Variants in AHCYL2 observed in about 807,000 individuals in gnomAD.
The protein encoded by AHCYL2 is adenosylhomocysteinase like 2, also known as S-adenosylhomocysteine hydrolase-like protein 2.
Under a neutral mutation model 81.4 loss-of-function variants are expected in AHCYL2, and 28 were observed. The ratio of observed to expected loss-of-function variants is 0.34; its 90% CI spans 0.25 to 0.47. The LOEUF is 0.47. Ranked by LOEUF, AHCYL2 falls within the 20% of genes least tolerant of loss-of-function variation. The pLI, the probability that AHCYL2 is intolerant of heterozygous loss-of-function variation, is 1.00. For missense variants in AHCYL2, 551 were observed against 785.1 expected (o/e 0.70, Z 3.56); for synonymous variants, 272 against 290.2 (o/e 0.94, Z 0.64).
At chr7:129,304,635 C>A (rs1797363429) in intron 1 of AHCYL2, among the ~76,000 whole-genome samples, 2 of 152,060 alleles carry the variant, frequency 1.3e-5, no homozygotes, top group African/African-American at 4.8e-5. Flanking sequence ...TATATAATGA[C>A]CTTTTTCTGT....
intron 1 of AHCYL2, among the ~76,000 whole-genome samples, chr7:129,374,082 A>G (rs2150870259): frequency 6.6e-6 from 1 of 152,316 alleles, no homozygotes; most frequent in Non-Finnish European, 1.5e-5. Context: ...TGTCATTTCT[A>G]AGATGTAATC....
intron 1 of AHCYL2, among the ~76,000 whole-genome samples, chr7:129,255,284 G>T (rs1014138313): frequency 4.0e-5 from 6 of 151,830 alleles, no homozygotes; most frequent in Non-Finnish European, 7.4e-5. Context: ...AAAGTAAAAA[G>T]AAACAAGTGA....
At chr7:129,311,281 A>G (rs1797648116) in intron 1 of AHCYL2, among the ~76,000 whole-genome samples, 1 of 152,350 alleles carries the variant, frequency 6.6e-6, no homozygotes, top group Non-Finnish European at 1.5e-5. Context: ...CCTTATTTAC[A>G]TAGAAACAGG....
In AHCYL2 at chr7:129,428,088, G is replaced by A. The variant is rs749277537; in HGVS notation, c.*1043G>A. 1.1e-4 allele frequency: 16 copies of A among 152,216 alleles called. No homozygotes were observed. Among genetic ancestry groups the A allele is most frequent in the African/African-American group, 3.4e-4 (14 of 41,456 alleles). The allele number at this position is 152,216 out of a possible 1,614,324, so 9.4% of individuals were successfully genotyped here. A position where few individuals can be genotyped will look rare whatever the true frequency, so the allele number is the denominator to read the frequency against. On this transcript the variant is annotated 3_prime_UTR_variant, in exon 17 of 17. Coordinates refer to ENST00000325006, the MANE Select transcript of AHCYL2 (RefSeq NM_015328.4). Reference sequence around the variant, plus strand: ...CAGAGTATATTTATTTGTTTCCCAGGAAGGCCATTGCAGTTTGACTGGCTG... The same window carrying A: ...CAGAGTATATTTATTTGTTTCCCAGAAAGGCCATTGCAGTTTGACTGGCTG...
intron 1 of AHCYL2, among the ~76,000 whole-genome samples, chr7:129,349,428 C>A (rs942038442): frequency 7.5e-6 from 1 of 133,190 alleles, no homozygotes; most frequent in African/African-American, 2.8e-5. Flanking sequence ...GAGGTCAGTT[C>A]GAGACTAGCC....
chr7:129,363,876 C>G (rs1454084186), intron 1 of AHCYL2, among the ~76,000 whole-genome samples: 2 of 151,738 alleles, frequency 1.3e-5, no homozygotes, highest in African/African-American at 4.8e-5. Flanking sequence ...AAGTCATTTT[C>G]TTCTGTGGTT....
chr7:129,415,777 C>T (rs1311076810), intron 12 of AHCYL2, among the ~76,000 whole-genome samples: 1 of 151,922 alleles, frequency 6.6e-6, no homozygotes, highest in East Asian at 1.9e-4. Context: ...ATAGTGAGAC[C>T]TCATCTCTAT....
intron 1 of AHCYL2, among the ~76,000 whole-genome samples, chr7:129,321,793 T>A (rs1469833669): frequency 6.7e-6 from 1 of 150,168 alleles, no homozygotes; most frequent in Non-Finnish European, 1.5e-5. Context: ...GTTTTTTTTT[T>A]CAGACGGAGT....
chr7:129,328,441 G>A (rs999646554), intron 1 of AHCYL2, among the ~76,000 whole-genome samples: 3 of 152,156 alleles, frequency 2.0e-5, no homozygotes, highest in East Asian at 1.9e-4. Flanking sequence ...CTCCCAAAGC[G>A]CTGGGATTAC....
In AHCYL2 at chr7:129,245,466, C is replaced by T. The variant is rs141020084; in HGVS notation, c.363+20027C>T. Among the ~76,000 whole-genome samples, 112 of 152,278 alleles carry T rather than the reference C, an allele frequency of 7.4e-4. 1 individual carries two copies. Among genetic ancestry groups the T allele is most frequent in the African/African-American group, 2.6e-3 (109 of 41,552 alleles). On this transcript the variant is annotated intron_variant, in intron 1 of 16. Coordinates refer to ENST00000325006, the MANE Select transcript of AHCYL2 (RefSeq NM_015328.4). Reference sequence around the variant, plus strand: ...TACTCATCTTCTGAAGTTTTTTCATCTTCCCAAACCAAAACTCCATACCCA... The same window carrying T: ...TACTCATCTTCTGAAGTTTTTTCATTTTCCCAAACCAAAACTCCATACCCA...
chr7:129,291,565 A>G (rs1212159858), intron 1 of AHCYL2, among the ~76,000 whole-genome samples: 1 of 147,592 alleles, frequency 6.8e-6, no homozygotes, highest in Non-Finnish European at 1.5e-5. Flanking sequence ...AGAATTTTAT[A>G]ATCATGTGAA....
intron 1 of AHCYL2, among the ~76,000 whole-genome samples, chr7:129,252,791 AG>A (rs1795287247): frequency 1.3e-5 from 2 of 152,068 alleles, no homozygotes; most frequent in Admixed American, 6.6e-5. Flanking sequence ...CTAGGTAGGT[AG>A]GTAGGTAGAT....
At chr7:129,402,740 C>T (rs958138862) in intron 6 of AHCYL2, among the ~76,000 whole-genome samples, 3 of 152,178 alleles carry the variant, frequency 2.0e-5, no homozygotes, top group African/African-American at 4.8e-5. Flanking sequence ...ACATGCTGCA[C>T]GGTTCCCTGG....
At chr7:129,389,536 G>C in intron 3 of AHCYL2, 98 bp from the exon 4 acceptor site, 2 of 986,750 alleles carry the variant, frequency 2.0e-6, no homozygotes, top group Non-Finnish European at 3.0e-6. Flanking sequence ...ACCTGATCAG[G>C]GGAAGGATCT....
At chr7:129,341,015 G>T (rs1793160542) in intron 1 of AHCYL2, among the ~76,000 whole-genome samples, 2 of 152,176 alleles carry the variant, frequency 1.3e-5, no homozygotes, top group South Asian at 4.1e-4. Flanking sequence ...TCAAGGTTAT[G>T]CTGGTTTGAT....
intron 1 of AHCYL2, among the ~76,000 whole-genome samples, chr7:129,271,863 A>G (rs1319883088): frequency 2.6e-5 from 4 of 152,086 alleles, no homozygotes; most frequent in Non-Finnish European, 4.4e-5. Flanking sequence ...ATTGAAACAA[A>G]GACAGATTGT....
At chr7:129,271,217 T>C (rs1055838568) in intron 1 of AHCYL2, among the ~76,000 whole-genome samples, 2 of 151,490 alleles carry the variant, frequency 1.3e-5, no homozygotes, top group African/African-American at 2.4e-5. Flanking sequence ...AAAAATTAGC[T>C]GGGCGTGGTG....
chr7:129,421,166 C>G (rs930448590), intron 12 of AHCYL2, among the ~76,000 whole-genome samples: 1 of 151,658 alleles, frequency 6.6e-6, no homozygotes, highest in Non-Finnish European at 1.5e-5. Context: ...GCAGGAGAAT[C>G]GCTTGAACCC....
intron 1 of AHCYL2, among the ~76,000 whole-genome samples, chr7:129,256,466 C>T (rs1219961383): frequency 6.6e-6 from 1 of 151,134 alleles, no homozygotes; most frequent in Non-Finnish European, 1.5e-5. Context: ...ATACTTATAT[C>T]CTTTTGAAAA....
Sources: gnomAD v4.1 joint callset for allele counts (sites outside exome capture counted in the v4.1 genomes callset) on GRCh38, gnomAD v4.1.1 for gene constraint, MANE v1.5 for transcripts, NCBI Gene and HGNC (gene_info 2026-07-23, HGNC 2026-07-21) for gene names.